TC2N: variants seen among roughly 807,000 people sequenced by gnomAD.
The protein encoded by TC2N is tandem C2 domains, nuclear.
A neutral mutation model predicts 61.9 loss-of-function variants in TC2N; 51 were observed. The ratio of observed to expected loss-of-function variants is 0.82; its 90% CI spans 0.66 to 1.04. TC2N has a LOEUF of 1.04. TC2N is among the 50% of genes least tolerant of loss of function. The pLI, the probability that TC2N is intolerant of heterozygous loss-of-function variation, is 0.00. For synonymous variants in TC2N, 204 were observed against 192.6 expected (o/e 1.06, Z -0.49); for missense variants, 556 against 566.7 (o/e 0.98, Z 0.19).
At chr14:91,859,203 T>C (rs987275168) in intron 1 of TC2N, among the ~76,000 whole-genome samples, 2 of 152,192 alleles carry the variant, frequency 1.3e-5, no homozygotes, top group African/African-American at 4.8e-5. Flanking sequence ...TTCACCCAAA[T>C]GTGGCCATCT....
rs372183404 is a variant in TC2N, at chr14:91,787,465, T to C, written c.1162+48A>G. On this transcript the variant is annotated intron_variant, in intron 10 of 11. Coordinates refer to ENST00000435962, the MANE Select transcript of TC2N (RefSeq NM_001128596.3). ...AGAAATGTAAAAAAAATACTTTCTA[T>C]TACTAATACTTTCTGAAGATTCTAC... The C allele has an allele frequency of 2.0e-5, 22 of 1,087,542 alleles. No individual in the cohort carries two copies. In the African/African-American group the frequency reaches 3.4e-4, roughly 17 times the overall value. The allele number at this position is 1,087,542 out of a possible 1,614,324, so 67.4% of individuals were successfully genotyped here.
At chr14:91,857,427 G>A (rs373091341) in intron 1 of TC2N, among the ~76,000 whole-genome samples, 2 of 152,174 alleles carry the variant, frequency 1.3e-5, no homozygotes, top group Non-Finnish European at 2.9e-5. Flanking sequence ...AAACCGAGTC[G>A]TGGCTTGGGT....
chr14:91,832,924 A>T (rs1366335311), intron 1 of TC2N, among the ~76,000 whole-genome samples: 1 of 152,248 alleles, frequency 6.6e-6, no homozygotes, highest in African/African-American at 2.4e-5. Context: ...ACTACAACAC[A>T]TCAGCATGAA....
chr14:91,859,337 AC>A (rs1271910132), intron 1 of TC2N, among the ~76,000 whole-genome samples: 1 of 152,070 alleles, frequency 6.6e-6, no homozygotes, highest in Admixed American at 6.5e-5. Flanking sequence ...AATGACATTC[AC>A]CTTTCCCCTC....
At chr14:91,852,085 T>C (rs1888385931) in intron 1 of TC2N, among the ~76,000 whole-genome samples, 1 of 152,196 alleles carries the variant, frequency 6.6e-6, no homozygotes. Context: ...ATCCTTAACA[T>C]TGTACTTGTG....
At chr14:91,798,880 A>G in intron 6 of TC2N, 109 bp downstream of exon 6, 1 of 669,120 alleles carries the variant, frequency 1.5e-6, no homozygotes, top group Non-Finnish European at 2.5e-6. Flanking sequence ...TTATATCAAC[A>G]TAGTAGATAC....
chr14:91,810,413 G>A (rs1275352839), intron 3 of TC2N, among the ~76,000 whole-genome samples: 1 of 152,128 alleles, frequency 6.6e-6, no homozygotes, highest in Non-Finnish European at 1.5e-5. Flanking sequence ...GAGGATGGGA[G>A]AAAGGGAGGA....
chr14:91,828,973 C>G (rs755768727), intron 1 of TC2N, among the ~76,000 whole-genome samples: 1 of 150,974 alleles, frequency 6.6e-6, no homozygotes, highest in Non-Finnish European at 1.5e-5. Context: ...TTCTTTAAGA[C>G]AAAAATATCT....
intron 10 of TC2N, 64 bp from the exon 11 acceptor site, chr14:91,785,425 T>A (rs1885318770): frequency 8.3e-7 from 1 of 1,201,834 alleles, no homozygotes; most frequent in African/African-American, 1.5e-5. Context: ...GATGTGTATA[T>A]ACACATCCAA....
At chr14:91,827,168 T>C (rs1362833591) in intron 1 of TC2N, among the ~76,000 whole-genome samples, 2 of 152,216 alleles carry the variant, frequency 1.3e-5, no homozygotes, top group African/African-American at 4.8e-5. Flanking sequence ...CTTCCTTGGA[T>C]TGACTAAGTG....
At chr14:91,852,797 G>C (rs904810123) in intron 1 of TC2N, among the ~76,000 whole-genome samples, 2 of 152,308 alleles carry the variant, frequency 1.3e-5, no homozygotes, top group Non-Finnish European at 2.9e-5. Context: ...AGTTGGCCAG[G>C]CATAGTGGCT....
chr14:91,824,317 T>C (rs919650776), intron 1 of TC2N, among the ~76,000 whole-genome samples: 2 of 152,224 alleles, frequency 1.3e-5, no homozygotes. Flanking sequence ...AAAATACTTT[T>C]AATATCACTT....
chr14:91,822,148 T>C (rs574828088), intron 1 of TC2N, among the ~76,000 whole-genome samples: 2 of 152,330 alleles, frequency 1.3e-5, no homozygotes, highest in Non-Finnish European at 2.9e-5. Context: ...CATTACTACA[T>C]ATTTACTTAA....
In TC2N at chr14:91,802,393, T is replaced by C; in HGVS notation, c.330A>G (p.Arg110=). The change falls in exon 4 of 12, where the codon CGA becomes CGG. Residue 110 remains arginine, a synonymous_variant. Transcript: ENST00000435962. ...GGGATGAACTGGAAAGTTCTACCTT[T>C]CGATCTCCAAAAGATGCTCTGGCAG... ...EGSARASFGD[R]KVELSSSSQH... is the part of the protein sequence containing the mutation. The C allele has an allele frequency of 6.2e-7, 1 of 1,612,534 alleles. No individual in the cohort carries two copies. Among genetic ancestry groups the C allele is most frequent in the Non-Finnish European group, 8.5e-7 (1 of 1,179,474 alleles).
At chr14:91,851,555 C>A (rs1888377506) in intron 1 of TC2N, among the ~76,000 whole-genome samples, 1 of 152,188 alleles carries the variant, frequency 6.6e-6, no homozygotes, top group Non-Finnish European at 1.5e-5. Context: ...TAAAAATCAC[C>A]TAAGGCTCTT....
intron 4 of TC2N, 57 bp downstream of exon 4, chr14:91,802,197 A>G: frequency 7.1e-7 from 1 of 1,416,012 alleles, no homozygotes; most frequent in Non-Finnish European, 9.3e-7. Context: ...CTTACATTTG[A>G]TTTCTAAATT....
chr14:91,860,489 T>G (rs1050484211), intron 1 of TC2N, among the ~76,000 whole-genome samples: 6 of 152,242 alleles, frequency 3.9e-5, no homozygotes, highest in Non-Finnish European at 5.9e-5. Context: ...ACAAGTGAGC[T>G]CCTTGATCTT....
In TC2N at chr14:91,812,339, T is replaced by A. The variant is rs920354679; in HGVS notation, c.274A>T (p.Thr92Ser). The change falls in exon 3 of 12, where the codon ACT becomes TCT. Residue 92 changes from threonine (T) to serine (S), a missense_variant. Physicochemically the swap from Thr to Ser is moderately conservative, Grantham distance 58 (BLOSUM62 1). Transcript: ENST00000435962. ...LSYIQPRTQE[T>S]PSHLEELEGS... ...TCAAGTTCTTCCAGATGTGAAGGAG[T>A]TTCTTGTGTCCTGGGTTGAATGTAA... is the stretch of plus-strand genomic sequence containing the variant. 10 of 1,603,812 alleles carry A rather than the reference T, an allele frequency of 6.2e-6. No individual in the cohort carries two copies. The highest frequency in any genetic ancestry group is 1.7e-5 in the Admixed American group (1 of 59,708).
chr14:91,815,865 G>GT (rs558841284), intron 1 of TC2N, among the ~76,000 whole-genome samples: 5 of 151,606 alleles, frequency 3.3e-5, no homozygotes, highest in Non-Finnish European at 5.9e-5. Flanking sequence ...AATACAAACA[G>GT]TATCTGTAAT....
Sources: gnomAD v4.1 joint callset for allele counts (sites outside exome capture counted in the v4.1 genomes callset) on GRCh38, gnomAD v4.1.1 for gene constraint, MANE v1.5 for transcripts, NCBI Gene and HGNC (gene_info 2026-07-23, HGNC 2026-07-21) for gene names.